CALN1: variants seen among roughly 807,000 people sequenced by gnomAD.
The protein encoded by CALN1 is calneuron 1, also known as calcium-binding protein 8.
CALN1 carries 17 observed loss-of-function variants against 30.6 expected under a neutral mutation model. The observed-to-expected ratio is 0.56, with a 90% confidence interval of 0.38 to 0.83. The LOEUF is 0.83. Among genes scored for constraint, CALN1 ranks in the 40% least tolerant of loss-of-function variants. The pLI, the probability that CALN1 is intolerant of heterozygous loss-of-function variation, is 0.00. For missense variants in CALN1, 291 were observed against 354.9 expected (o/e 0.82, Z 1.45); for synonymous variants, 156 against 131.4 (o/e 1.19, Z -1.28).
intron 3 of CALN1, among the ~76,000 whole-genome samples, chr7:72,156,739 T>G (rs564947329): frequency 2.0e-5 from 3 of 152,330 alleles, no homozygotes; most frequent in South Asian, 4.1e-4. Flanking sequence ...CTCCTCACTC[T>G]GAGGGATGCA....
At chr7:72,184,574 G>A (rs986431713) in intron 3 of CALN1, among the ~76,000 whole-genome samples, 3 of 152,134 alleles carry the variant, frequency 2.0e-5, no homozygotes, top group African/African-American at 7.2e-5. Flanking sequence ...ATGTTACCTT[G>A]CATCCTCTGT....
intron 4 of CALN1, among the ~76,000 whole-genome samples, chr7:72,076,686 C>T (rs1269933555): frequency 1.4e-5 from 2 of 139,208 alleles, no homozygotes; most frequent in African/African-American, 5.4e-5. Context: ...CAGTTGACAC[C>T]CACTTCTCCA....
At chr7:71,955,964 T>C (rs1394207566) in intron 5 of CALN1, among the ~76,000 whole-genome samples, 1 of 149,624 alleles carries the variant, frequency 6.7e-6, no homozygotes, top group African/African-American at 2.5e-5. Context: ...ACCGAGATAG[T>C]ATAGACTGGG....
At chr7:72,195,554 A>T (rs533302379) in intron 3 of CALN1, among the ~76,000 whole-genome samples, 37 of 152,070 alleles carry the variant, frequency 2.4e-4, no homozygotes, top group East Asian at 1.2e-3. Flanking sequence ...TTTTAAAAAA[A>T]TTTTTTTAAG....
At chr7:72,467,604 T>C in the CALN1 span, among the ~76,000 whole-genome samples, 156 of 152,280 alleles carry the variant, frequency 1.0e-3, no homozygotes, top group African/African-American at 3.5e-3. Flanking sequence ...CTGGTTAACT[T>C]TGACTTGCTA....
chr7:72,106,365 T>C, intron 3 of CALN1, 71 bp from the exon 4 acceptor site: 1 of 1,587,408 alleles, frequency 6.3e-7, no homozygotes, highest in Non-Finnish European at 8.6e-7. Context: ...TATTGGTGAT[T>C]GCCTACTGAG....
At chr7:72,381,123 G>A (rs1012287071) in intron 2 of CALN1, among the ~76,000 whole-genome samples, 6 of 152,180 alleles carry the variant, frequency 3.9e-5, no homozygotes, top group South Asian at 2.1e-4. Flanking sequence ...CCAGAATGCA[G>A]ACGGAAAGCA....
At chr7:72,287,299 T>G (rs920086541) in intron 2 of CALN1, among the ~76,000 whole-genome samples, 13 of 152,174 alleles carry the variant, frequency 8.5e-5, no homozygotes, top group Non-Finnish European at 1.9e-4. Flanking sequence ...ACATAGAATA[T>G]ATTGTATCAT....
chr7:72,078,469 CCT>C (rs905315762), intron 4 of CALN1, among the ~76,000 whole-genome samples: 19 of 152,250 alleles, frequency 1.2e-4, no homozygotes, highest in South Asian at 2.1e-4. Flanking sequence ...CTTCTCCTCC[CCT>C]GATTCCTAAT....
At chr7:72,201,287 G>A (rs1791396091) in intron 3 of CALN1, among the ~76,000 whole-genome samples, 1 of 152,122 alleles carries the variant, frequency 6.6e-6, no homozygotes, top group Admixed American at 6.5e-5. Flanking sequence ...GGGGTTGGGG[G>A]AAGGGTTGAA....
intron 5 of CALN1, among the ~76,000 whole-genome samples, chr7:71,929,622 T>C (rs766544317): frequency 1.3e-5 from 2 of 152,272 alleles, no homozygotes; most frequent in African/African-American, 2.4e-5. Context: ...TGTATGGATA[T>C]GCCACTTTTG....
At chr7:72,062,511 C>CAAAAAAA (rs376093442) in intron 4 of CALN1, among the ~76,000 whole-genome samples, 74 of 58,076 alleles carry the variant, frequency 1.3e-3, no homozygotes, top group East Asian at 2.5e-3. Flanking sequence ...GACTCTATCT[C>CAAAAAAA]AAAAAAAAAA....
chr7:71,858,672 A>C (rs1428665539), intron 5 of CALN1, among the ~76,000 whole-genome samples: 1 of 152,128 alleles, frequency 6.6e-6, no homozygotes, highest in Non-Finnish European at 1.5e-5. Flanking sequence ...CCCTCCTCTC[A>C]CATGTAAATT....
At chr7:72,080,494 C>G (rs1805062617) in intron 4 of CALN1, among the ~76,000 whole-genome samples, 1 of 152,130 alleles carries the variant, frequency 6.6e-6, no homozygotes, top group Admixed American at 6.5e-5. Context: ...CCTGGGATGG[C>G]ACATAGAGGG....
chr7:72,016,430 T>TTTA (rs1011074242), intron 5 of CALN1, among the ~76,000 whole-genome samples: 30 of 151,510 alleles, frequency 2.0e-4, no homozygotes, highest in Admixed American at 8.6e-4. Flanking sequence ...TTTTATTTAT[T>TTTA]TTATTATTAT....
At chr7:72,183,041 T>A (rs1195738157) in intron 3 of CALN1, among the ~76,000 whole-genome samples, 1 of 152,072 alleles carries the variant, frequency 6.6e-6, no homozygotes, top group Non-Finnish European at 1.5e-5. Flanking sequence ...ATGGGGCTTT[T>A]TTGTTTGTTT....
intron 1 of CALN1, among the ~76,000 whole-genome samples, chr7:72,408,008 G>A (rs1294615865): frequency 1.3e-5 from 2 of 152,134 alleles, no homozygotes; most frequent in Non-Finnish European, 2.9e-5. Context: ...GTGGCACTAG[G>A]TATGCAAATA....
chr7:72,293,606 G>A (rs756938400), intron 2 of CALN1, among the ~76,000 whole-genome samples: 2 of 152,150 alleles, frequency 1.3e-5, no homozygotes, highest in South Asian at 2.1e-4. Flanking sequence ...GAAAAAGGCA[G>A]ATAAATCCGT....
chr7:72,464,256 C>A, the CALN1 span, among the ~76,000 whole-genome samples: 1 of 152,114 alleles, frequency 6.6e-6, no homozygotes, highest in Non-Finnish European at 1.5e-5. Context: ...CTGCAGTGAG[C>A]TATGACAGTG....
Sources: gnomAD v4.1 joint callset for allele counts (sites outside exome capture counted in the v4.1 genomes callset) on GRCh38, gnomAD v4.1.1 for gene constraint, MANE v1.5 for transcripts, NCBI Gene and HGNC (gene_info 2026-07-23, HGNC 2026-07-21) for gene names.